The following SPACA6 variants were observed in gnomAD, a reference collection of about 807,000 sequenced individuals.
SPACA6 encodes sperm acrosome membrane-associated protein 6.
For synonymous variants in SPACA6, 6 were observed against 1.5 expected (o/e 4.05, Z -2.21); for missense variants, 8 against 2.8 (o/e 2.88, Z -1.34).
At chr19:51,689,915 T>A (rs73054869), upstream of SPACA6, among the ~76,000 whole-genome samples, 18,449 of 147,124 alleles carry the variant, frequency 0.13, 1,429 homozygotes, top group South Asian at 0.2. Flanking sequence ...GGCTTTGGAG[T>A]GCCTGCGGCA....
chr19:51,693,228 G>A (rs752427330), upstream of SPACA6: 43 of 639,274 alleles, frequency 6.7e-5, no homozygotes, highest in East Asian at 6.5e-4. Flanking sequence ...CCACCCCAGG[G>A]TCTACCGGGC....
At chr19:51,687,672 A>G (rs2083334934), upstream of SPACA6, 1 of 151,956 alleles carries the variant, frequency 6.6e-6, no homozygotes, top group South Asian at 2.1e-4. Flanking sequence ...AGGGAGGGAG[A>G]TGCACTGTTG....
intron 1 of SPACA6, 66 bp from the exon 2 acceptor site, chr19:51,694,412 C>T (rs766648141): frequency 2.8e-5 from 11 of 398,056 alleles, no homozygotes; most frequent in African/African-American, 4.1e-5. Context: ...ACAGAATGTT[C>T]GCATTAGGGA....
chr19:51,697,047 T>C (rs2083435710), intron 2 of SPACA6, among the ~76,000 whole-genome samples: 1 of 152,192 alleles, frequency 6.6e-6, no homozygotes, highest in South Asian at 2.1e-4. Context: ...ATTTCTGGGC[T>C]TCACCACCTC....
At position 51,701,714 on chromosome 19, in the gene SPACA6, C is replaced by T. The variant is rs2083469775; in HGVS notation, c.349C>T (p.Gln117Ter). The T allele has an allele frequency of 7.5e-6, 3 of 398,778 alleles. No homozygotes were observed. Among genetic ancestry groups the T allele is most frequent in the Non-Finnish European group, 1.3e-5 (3 of 225,974 alleles). The allele number at this position is 398,778 out of a possible 1,614,324, so 24.7% of individuals were successfully genotyped here. A position where few individuals can be genotyped will look rare whatever the true frequency, so the allele number is the denominator to read the frequency against. Reference sequence around the variant, plus strand: ...GGAGAAAATGAAGAAGGTCATTACACAGCTTAAAGAAGGTAAAATACACTC... The same window carrying T: ...GGAGAAAATGAAGAAGGTCATTACATAGCTTAAAGAAGGTAAAATACACTC... ...AAEKMKKVIT[Q>*]LKEAQACIPP... The change falls in exon 3 of 9, where the codon CAG becomes TAG. Residue 117 changes from glutamine to a stop codon, truncating the protein, a stop_gained. Coordinates refer to ENST00000637797, the MANE Select transcript of SPACA6 (RefSeq NM_001316972.2). LOFTEE classifies it high-confidence loss of function.
Position 51,693,685 on chromosome 19 carries a change from A to T in SPACA6, c.159A>T (p.Glu53Asp), listed in dbSNP as rs548510548. The T allele has an allele frequency of 2.4e-6, 1 of 413,244 alleles. No individual in the cohort carries two copies. Among genetic ancestry groups the T allele is most frequent in the East Asian group, 3.5e-5 (1 of 28,840 alleles). The allele number at this position is 413,244 out of a possible 1,614,324, so 25.6% of individuals were successfully genotyped here. The change falls in exon 1 of 9, where the codon GAA (glutamate) becomes GAT (aspartate). Residue 53 changes from glutamate (E) to aspartate (D), a missense_variant. By Grantham distance (45) the Glu-to-Asp change is conservative. Coordinates refer to ENST00000637797, the MANE Select transcript of SPACA6 (RefSeq NM_001316972.2). Reference sequence around the variant, plus strand: ...TTGGGATGCGGAGCCCCAAGCTTGAAGAGTGTGAGGAGGCCTTCACGGCCG... The same window carrying T: ...TTGGGATGCGGAGCCCCAAGCTTGATGAGTGTGAGGAGGCCTTCACGGCCG... Reference protein sequence around the residue: ...MFVGMRSPKLEECEEAFTAAF... With the variant: ...MFVGMRSPKLDECEEAFTAAF...
At chr19:51,693,979 G>C (rs1384692158) in intron 1 of SPACA6, 3 of 350,980 alleles carry the variant, frequency 8.5e-6, no homozygotes, top group African/African-American at 2.2e-5. Context: ...GAGACTCAGA[G>C]AGGGGGAGGA....
At chr19:51,697,130 G>C (rs1034360974) in intron 2 of SPACA6, among the ~76,000 whole-genome samples, 1 of 152,182 alleles carries the variant, frequency 6.6e-6, no homozygotes, top group Admixed American at 6.5e-5. Flanking sequence ...TGATGCTGCT[G>C]CTCCGGGAAC....
chr19:51,689,940 G>A (rs2083355078), upstream of SPACA6, among the ~76,000 whole-genome samples: 1 of 150,470 alleles, frequency 6.6e-6, no homozygotes, highest in Non-Finnish European at 1.5e-5. Context: ...AAGGGTTAAC[G>A]TCTGGCTGGA....
At chr19:51,694,286 CG>C (rs1568615826) in intron 1 of SPACA6, 191 bp from the exon 2 acceptor site, 5 of 280,066 alleles carry the variant, frequency 1.8e-5, no homozygotes, top group Non-Finnish European at 3.2e-5. Flanking sequence ...AGCGACTGGT[CG>C]GGGGCAGAGA....
rs1467461041 is a variant in SPACA6 at position 51,704,351 on chromosome 19, A to G, written c.812A>G (p.Glu271Gly). ...CTGCGCTGGGCGCCGCGGGATGCCG[A>G]GCTGATCGAGCCCTGGAGGCCCAGC... ...EVLRWAPRDA[E>G]LIEPWRPSLG... is the part of the protein sequence containing the mutation. The change falls in exon 8 of 9, where the codon GAG (glutamate) becomes GGG (glycine). Residue 271 changes from glutamate to glycine, a missense_variant. Glu to Gly is a moderately conservative substitution (Grantham distance 98, BLOSUM62 -2). Coordinates refer to ENST00000637797, the MANE Select transcript of SPACA6 (RefSeq NM_001316972.2). 1 of 400,676 alleles carries G rather than the reference A, an allele frequency of 2.5e-6. No individual in the cohort carries two copies. The highest frequency in any genetic ancestry group is 2.1e-5 in the African/African-American group (1 of 48,600). 24.8% of individuals were successfully genotyped at this position (400,676 alleles called of 1,614,324 possible).
chr19:51,705,400 C>G, downstream of SPACA6: 1 of 305,826 alleles, frequency 3.3e-6, no homozygotes, highest in Non-Finnish European at 6.0e-6. Context: ...AAATAGAGTC[C>G]TCCATGTTGC....
upstream of SPACA6, chr19:51,692,589 G>A (rs766881088): frequency 2.1e-5 from 11 of 516,806 alleles, no homozygotes; most frequent in African/African-American, 1.6e-4. The surrounding 1 kb of genome is among the most constrained non-coding windows in gnomAD (Gnocchi z 5.6). Context: ...AGGAGGGGCC[G>A]GGGGCCCGGA....
chr19:51,682,804 G>C, the SPACA6 span, among the ~76,000 whole-genome samples: 1 of 152,178 alleles, frequency 6.6e-6, no homozygotes, highest in African/African-American at 2.4e-5. Context: ...TACTTTGGGA[G>C]ACTGAGGGCG....
intron 2 of SPACA6, among the ~76,000 whole-genome samples, chr19:51,696,389 A>G (rs1251686034): frequency 6.6e-6 from 1 of 152,164 alleles, no homozygotes; most frequent in Non-Finnish European, 1.5e-5. Flanking sequence ...GTATCTTAGT[A>G]TGTCAGTTGG....
In SPACA6 at chr19:51,701,703, A is replaced by C. The variant is rs2083469719; in HGVS notation, c.338A>C (p.Lys113Thr). 5.0e-6 allele frequency: 2 copies of C among 398,752 alleles called. No homozygotes were observed. Among genetic ancestry groups the C allele is most frequent in the South Asian group, 2.5e-4 (2 of 7,854 alleles). The allele number at this position is 398,752 out of a possible 1,614,324, so 24.7% of individuals were successfully genotyped here. ...AFPDAAEKMK[K>T]VITQLKEAQA... ...CCTGATGCTGCGGAGAAAATGAAGA[A>C]GGTCATTACACAGCTTAAAGAAGGT... The change falls in exon 3 of 9, where the codon AAG (lysine) becomes ACG (threonine). Residue 113 changes from lysine (K) to threonine (T), a missense_variant. Lys to Thr is a moderately conservative substitution (Grantham distance 78, BLOSUM62 -1). Transcript: ENST00000637797.
downstream of SPACA6, among the ~76,000 whole-genome samples, chr19:51,708,143 C>A (rs2083524591): frequency 6.6e-6 from 1 of 152,188 alleles, no homozygotes; most frequent in Non-Finnish European, 1.5e-5. Context: ...CCTAGTCTTG[C>A]TGGTGACCAG....
intron 2 of SPACA6, among the ~76,000 whole-genome samples, chr19:51,711,336 T>G (rs2083540432): frequency 6.6e-6 from 1 of 152,000 alleles, no homozygotes; most frequent in South Asian, 2.1e-4. Flanking sequence ...AAAACCACAA[T>G]GAAAGCCACT....
chr19:51,702,571 A>G (rs2083477690), intron 3 of SPACA6, 58 bp from the exon 4 acceptor site: 1 of 376,526 alleles, frequency 2.7e-6, no homozygotes. Context: ...CTAGGGGAGC[A>G]TCGGGCAAGG....
Sources: allele counts gnomAD v4.1 joint callset (sites outside exome capture counted in the v4.1 genomes callset), GRCh38; gene constraint gnomAD v4.1.1; non-coding constraint Gnocchi (gnomAD v3.1); transcripts MANE v1.5; gene names NCBI Gene and HGNC (gene_info 2026-07-23, HGNC 2026-07-21).